Variants in SIN3B observed in about 807,000 individuals in gnomAD.
SIN3B encodes paired amphipathic helix protein Sin3b.
In SIN3B, 19 loss-of-function variants were observed where a neutral mutation model predicts 120.2. That is an observed-to-expected ratio of 0.16 (90% CI 0.11 to 0.23). The LOEUF (loss-of-function observed/expected upper bound fraction) is 0.23, where lower values mean the gene tolerates loss of function less well. Ranked by LOEUF, SIN3B falls within the 10% of genes least tolerant of loss-of-function variation. The pLI, the probability that SIN3B is intolerant of heterozygous loss-of-function variation, is 1.00. For synonymous variants in SIN3B, 654 were observed against 653.2 expected (o/e 1.00, Z -0.02); for missense variants, 1,073 against 1,573.0 (o/e 0.68, Z 5.38).
rs368519543 is a variant in SIN3B, at chr19:16,876,106, C to G, written c.2644C>G (p.Leu882Val). The G allele has an allele frequency of 7.5e-5, 120 of 1,596,750 alleles. No individual in the cohort carries two copies. Among genetic ancestry groups the G allele is most frequent in the Non-Finnish European group, 9.5e-5 (112 of 1,173,030 alleles). ...DVCLKVVELY[L>V]NEKKRGAAGG... is the part of the protein sequence containing the mutation. The stretch of plus-strand genomic sequence containing the variant: ...CTGCCTGAAGGTGGTGGAGCTCTAC[C>G]TGAACGAGAAGAAGCGGGGTGCCGC... Residue 882 changes from leucine to valine, a missense_variant, in exon 15 of 19, where the codon CTG (leucine) becomes GTG (valine). Around this residue, in one of 7 missense-constraint regions of SIN3B, gnomAD observed 311 missense variants for 400.3 expected, o/e 0.78. Transcript: ENST00000248054. The surrounding 1 kb of genome is among the most constrained non-coding windows in gnomAD (Gnocchi z 7.1).
rs1176509919 is a variant in SIN3B at position 16,876,598 on chromosome 19, C to A, written c.2859+20C>A. ...GTCCAGGTGAGGCCCTGGCCCCAGT[C>A]TGTGCCACGCATACCAGGGAGCGCC... is the stretch of plus-strand genomic sequence containing the variant. On this transcript the variant is annotated intron_variant, in intron 16 of 18. Transcript: ENST00000248054. The surrounding 1 kb of genome is among the most constrained non-coding windows in gnomAD (Gnocchi z 7.1). 6.3e-7 allele frequency: 1 copy of A among 1,593,946 alleles called. No homozygotes were observed. Among genetic ancestry groups the A allele is most frequent in the Non-Finnish European group, 8.6e-7 (1 of 1,163,800 alleles).
In SIN3B at chr19:16,863,774, G is replaced by A; in HGVS notation, c.1361G>A (p.Arg454His). The A allele has an allele frequency of 9.9e-6, 16 of 1,613,940 alleles. No homozygotes were observed. The highest frequency in any genetic ancestry group is 1.2e-5 in the Non-Finnish European group (14 of 1,179,908). ...ACACCGTACGAGGAGCAGCTTCACC[G>A]CTGTGAGGACGAGCGCTTCGAGGTG... ...KKTPYEEQLH[R>H]CEDERFELDV... The change falls in exon 10 of 19, where the codon CGC becomes CAC. Residue 454 changes from arginine (R) to histidine (H), a missense_variant. By Grantham distance (29) the Arg-to-His change is conservative. Coordinates refer to ENST00000248054, the MANE Select transcript of SIN3B (RefSeq NM_001297595.2).
intron 4 of SIN3B, among the ~76,000 whole-genome samples, chr19:16,842,922 C>T (rs1971435947): frequency 6.6e-6 from 1 of 152,132 alleles, no homozygotes; most frequent in South Asian, 2.1e-4. Context: ...CAGGAATGGC[C>T]TGTGCAAAGG....
intron 9 of SIN3B, chr19:16,863,153 G>C: frequency 3.4e-6 from 2 of 588,408 alleles, no homozygotes; most frequent in South Asian, 2.1e-5. Context: ...GATGGTTGCT[G>C]TCTGACCCTT....
chr19:16,875,925 G>A (rs1247181440), intron 14 of SIN3B, 130 bp from the exon 15 acceptor site: 43 of 1,129,258 alleles, frequency 3.8e-5, no homozygotes, highest in Middle Eastern at 5.9e-4. Context: ...CAGGATTCTG[G>A]TCTCTTCATC....
intron 14 of SIN3B, among the ~76,000 whole-genome samples, chr19:16,875,158 GGGTCT>G (rs139318837): frequency 0.028 from 3,931 of 139,618 alleles, 82 homozygotes; most frequent in Middle Eastern, 0.051. Context: ...GGTCTGGTTT[GGGTCT>G]GGTCTGGTCT....
Position 16,829,448 on chromosome 19 carries a change from G to A in SIN3B, c.28G>A (p.Gly10Ser). 4.1e-6 allele frequency: 5 copies of A among 1,213,382 alleles called. No homozygotes were observed. Among genetic ancestry groups the A allele is most frequent in the East Asian group, 3.3e-5 (1 of 30,048 alleles). 75.2% of individuals were successfully genotyped at this position (1,213,382 alleles called of 1,614,324 possible). A position where few individuals can be genotyped will look rare whatever the true frequency, so the allele number is the denominator to read the frequency against. The change falls in exon 1 of 19, where the codon GGC becomes AGC. Residue 10 changes from glycine to serine, a missense_variant. Gly to Ser is a moderately conservative substitution (Grantham distance 56). This residue lies in a region of SIN3B where 395 missense variants were observed against 528.0 expected (regional missense o/e 0.75). Transcript: ENST00000248054. ...GGCGCACGCTGGCGGTGGCAGCGGTGGCAGCGGTGCCGGCGGCCCCGCGGG... is the reference window on the plus strand; with the variant it reads ...GGCGCACGCTGGCGGTGGCAGCGGTAGCAGCGGTGCCGGCGGCCCCGCGGG... MAHAGGGSG[G>S]SGAGGPAGRG...
intron 10 of SIN3B, among the ~76,000 whole-genome samples, chr19:16,864,568 G>A (rs1971734759): frequency 6.6e-6 from 1 of 151,760 alleles, no homozygotes; most frequent in Non-Finnish European, 1.5e-5. Context: ...CTGGCCTCAA[G>A]CGATCCTCCC....
intron 5 of SIN3B, among the ~76,000 whole-genome samples, chr19:16,849,397 C>CT (rs1971517099): frequency 6.6e-6 from 1 of 152,154 alleles, no homozygotes; most frequent in Non-Finnish European, 1.5e-5. Context: ...GCCAATAACA[C>CT]TTTATTTACA....
At chr19:16,837,855 T>A (rs1235600147) in intron 3 of SIN3B, among the ~76,000 whole-genome samples, 1 of 151,884 alleles carries the variant, frequency 6.6e-6, no homozygotes, top group South Asian at 2.1e-4. Context: ...CCTGCTGAGG[T>A]GCATAAGGCC....
At chr19:16,854,590 T>C (rs1421042557) in intron 8 of SIN3B, 1 of 208,478 alleles carries the variant, frequency 4.8e-6, no homozygotes, top group Non-Finnish European at 9.7e-6. Context: ...TGAGTGGAGT[T>C]TGCACGTTCT....
rs1327777161 is a variant in SIN3B, at chr19:16,875,834, G to GGTCTGGTCTGGTCTGGTCT, written c.2593-218_2593-200dup. 3 of 564,166 alleles carry GGTCTGGTCTGGTCTGGTCT rather than the reference G, an allele frequency of 5.3e-6. No homozygotes were observed. The East Asian group carries it at 9.1e-5, about 17-fold the overall frequency. The allele number at this position is 564,166 out of a possible 1,614,324, so 34.9% of individuals were successfully genotyped here. ...TGGTCTGGTCTGGTCTGTTTGGTTTGGTCTGGTCTGGTCTGGTCTGTTTGG... is the reference window on the plus strand; with the variant it reads ...TGGTCTGGTCTGGTCTGTTTGGTTTGGTCTGGTCTGGTCTGGTCTGTCTGGTCTGGTCTGGTCTGTTTGG... On this transcript the variant is annotated intron_variant, in intron 14 of 18. Coordinates refer to ENST00000248054, the MANE Select transcript of SIN3B (RefSeq NM_001297595.2).
chr19:16,837,229 G>A (rs1971359757), intron 3 of SIN3B, among the ~76,000 whole-genome samples: 2 of 152,006 alleles, frequency 1.3e-5, no homozygotes, highest in African/African-American at 4.8e-5. Flanking sequence ...GGGAGAGGGA[G>A]CCAGGAGCGT....
At chr19:16,871,127 G>T in intron 13 of SIN3B, 102 bp from the exon 14 acceptor site, 1 of 1,451,690 alleles carries the variant, frequency 6.9e-7, no homozygotes. Flanking sequence ...GGGCTGTTGG[G>T]CCCCATGGGG....
At chr19:16,863,607 TC>T (rs1568421897) in intron 9 of SIN3B, 72 bp from the exon 10 acceptor site, 2 of 954,714 alleles carry the variant, frequency 2.1e-6, no homozygotes, top group Non-Finnish European at 3.5e-6. Flanking sequence ...CTTGGTACTT[TC>T]TACACTGGCT....
At position 16,874,257 on chromosome 19, in the gene SIN3B, C is replaced by T. The variant is rs115347498; in HGVS notation, c.2593-1798C>T. Among the ~76,000 whole-genome samples the T allele has an allele frequency of 7.8e-3, 1,195 of 152,328 alleles. 12 individuals are homozygous for T. Among genetic ancestry groups the T allele is most frequent in the African/African-American group, 0.027 (1,130 of 41,574 alleles). ...GTCTTTTCTGTGTGTTTCTCACACC[C>T]GGGCAGGGTTTGCTGGTCTGGCCTG... is the stretch of plus-strand genomic sequence containing the variant. On this transcript the variant is annotated intron_variant, in intron 14 of 18. Transcript: ENST00000248054.
In SIN3B at chr19:16,865,589, G is replaced by A. The variant is rs115788345; in HGVS notation, c.1563G>A (p.Pro521=). 1.1e-4 allele frequency: 173 copies of A among 1,612,880 alleles called. No individual in the cohort carries two copies. In the African/African-American group the frequency reaches 1.9e-3, roughly 18 times the overall value. ...AIYRIYGDKA[P]EIIESLKKNP... ...ATCGCATCTATGGCGACAAGGCCCC[G>A]GAGATCATCGAGAGCCTCAAGAAGA... The change falls in exon 11 of 19, where the codon CCG becomes CCA. Residue 521 remains proline (P), a synonymous_variant. Transcript: ENST00000248054.
rs565017449 is a variant in SIN3B, at chr19:16,870,290, C to G, written c.2422+215C>G. On this transcript the variant is annotated intron_variant, in intron 13 of 18. Transcript: ENST00000248054. ...GGCTCCCCTGGCCGTGGCACCTGTC[C>G]TGGGTGTAGCACCCTCTCCTGACTG... is the stretch of plus-strand genomic sequence containing the variant. Among the ~76,000 whole-genome samples the G allele has an allele frequency of 5.3e-5, 8 of 152,328 alleles. No homozygotes were observed. The East Asian group carries it at 1.5e-3, about 29-fold the overall frequency.
At position 16,863,685 on chromosome 19, in the gene SIN3B, G is replaced by A; in HGVS notation, c.1272G>A (p.Leu424=). 6.2e-7 allele frequency: 1 copy of A among 1,612,040 alleles called. No homozygotes were observed. The highest frequency in any genetic ancestry group is 8.5e-7 in the Non-Finnish European group (1 of 1,178,078). Residue 424 remains leucine (L), a synonymous_variant, in exon 10 of 19, where the codon CTG becomes CTA. Transcript: ENST00000248054. ...GGCATTTCCTCTTGGTGCAGGTACT[G>A]AACGACACCTGGGTCTCCTTCCCTT... The part of the protein sequence containing the change: ...SGRTAICKEV[L]NDTWVSFPSW...
Sources: allele counts gnomAD v4.1 joint callset (sites outside exome capture counted in the v4.1 genomes callset), GRCh38; gene constraint gnomAD v4.1.1; regional missense constraint gnomAD v4.1.1; non-coding constraint Gnocchi (gnomAD v3.1); transcripts MANE v1.5; gene names NCBI Gene and HGNC (gene_info 2026-07-23, HGNC 2026-07-21).